HMGCL: variants seen among roughly 807,000 people sequenced by gnomAD.
HMGCL encodes hydroxymethylglutaryl-CoA lyase, mitochondrial.
Under a neutral mutation model 37.3 loss-of-function variants are expected in HMGCL, and 26 were observed. The ratio of observed to expected loss-of-function variants is 0.70; its 90% CI spans 0.51 to 0.97. The LOEUF is 0.97. Among genes scored for constraint, HMGCL ranks in the 50% least tolerant of loss-of-function variants. HMGCL has a pLI of 0.00. For synonymous variants in HMGCL, 151 were observed against 148.0 expected, an observed-to-expected ratio of 1.02 and a Z score of -0.15; for missense variants, 379 against 398.1, an observed-to-expected ratio of 0.95 and a Z score of 0.41.
Position 23,806,529 on chromosome 1 carries a change from A to G in HMGCL, c.750+1606T>C, listed in dbSNP as rs1344428262. On this transcript the variant is annotated intron_variant, in intron 7 of 8. Transcript: ENST00000374490. This position sits in a 1 kb window ranked among gnomAD's most constrained non-coding sequence, Gnocchi z 4.0. ...GCTCCCTTCCCTCCCCCTCCCTGCT[A>G]GGGATCCGCAGGGCTCACTCCCTCG... is the stretch of plus-strand genomic sequence containing the variant. Among the ~76,000 whole-genome samples the G allele has an allele frequency of 6.6e-6, 1 of 152,000 alleles. No homozygotes were observed. Among genetic ancestry groups the G allele is most frequent in the East Asian group, 1.9e-4 (1 of 5,190 alleles).
chr1:23,813,401 G>C (rs1033378050), intron 5 of HMGCL, among the ~76,000 whole-genome samples: 15 of 151,208 alleles, frequency 9.9e-5, no homozygotes, highest in Non-Finnish European at 1.2e-4. Context: ...TTTTAGTAAA[G>C]ACGGGGTTTC....
chr1:23,816,989 C>G (rs1285312563), intron 3 of HMGCL, among the ~76,000 whole-genome samples: 1 of 152,134 alleles, frequency 6.6e-6, no homozygotes, highest in East Asian at 1.9e-4. Context: ...TCCATATGGC[C>G]CATACTGCCA....
At position 23,808,213 on chromosome 1, in the gene HMGCL, T is replaced by G. The variant is rs2148419094; in HGVS notation, c.672A>C (p.Glu224Asp). ...GGACAGCCAGGGCAGCCAGAGGCAC[T>G]TCCTGCATGACAGCAGATAGCATGT... ...MKDMLSAVMQ[E>D]VPLAALAVHC... Residue 224 changes from glutamate (E) to aspartate (D), a missense_variant, in exon 7 of 9, where the codon GAA becomes GAC. Glu to Asp is a conservative substitution (Grantham distance 45). Transcript: ENST00000374490. 1.2e-6 allele frequency: 2 copies of G among 1,614,066 alleles called. No individual in the cohort carries two copies. The highest frequency in any genetic ancestry group is 2.2e-5 in the South Asian group (2 of 91,082).
chr1:23,824,798 T>A lies in HMGCL; in HGVS notation c.60+558A>T, dbSNP rs556098055. On this transcript the variant is annotated intron_variant, in intron 1 of 8. Coordinates refer to ENST00000374490, the MANE Select transcript of HMGCL (RefSeq NM_000191.3). ...TAGCTTCAGCTTTTATTTTTTCTGC[T>A]CCATACAGCTACGTCTCCCACACTT... Among the ~76,000 whole-genome samples, 5 of 152,306 alleles carry A rather than the reference T, an allele frequency of 3.3e-5. No homozygotes were observed. The South Asian group carries it at 1.0e-3, about 32-fold the overall frequency.
At chr1:23,807,142 C>T (rs1638426171) in intron 7 of HMGCL, 1 of 518,900 alleles carries the variant, frequency 1.9e-6, no homozygotes, top group African/African-American at 1.9e-5. Flanking sequence ...TGAAGTTTTG[C>T]CTCAGACTCA....
chr1:23,804,497 A>G lies in HMGCL; in HGVS notation c.779T>C (p.Val260Ala). The G allele has an allele frequency of 6.2e-7, 1 of 1,614,100 alleles. No individual in the cohort carries two copies. Among genetic ancestry groups the G allele is most frequent in the Non-Finnish European group, 8.5e-7 (1 of 1,179,990 alleles). Residue 260 changes from valine to alanine, a missense_variant, in exon 8 of 9, where the codon GTG becomes GCG. Transcript: ENST00000374490. ...QMGVSVVDSS[V>A]AGLGGCPYAQ... ...GTAGGGACAGCCTCCAAGTCCTGCC[A>G]CAGAAGAGTCCACGACACTCACTCC...
chr1:23,819,747 ACACG>A (rs1638678229), intron 2 of HMGCL, among the ~76,000 whole-genome samples: 2 of 151,730 alleles, frequency 1.3e-5, no homozygotes, highest in Admixed American at 6.6e-5. Context: ...ACACACACAC[ACACG>A]CGCGCGTGCG....
chr1:23,805,286 T>C (rs1036261884), intron 7 of HMGCL, among the ~76,000 whole-genome samples: 1 of 152,040 alleles, frequency 6.6e-6, no homozygotes, highest in South Asian at 2.1e-4. Context: ...AACCTGTTAC[T>C]CCCCTCCACT....
intron 8 of HMGCL, among the ~76,000 whole-genome samples, chr1:23,803,057 CAG>C (rs1251572964): frequency 1.3e-5 from 2 of 151,816 alleles, no homozygotes; most frequent in African/African-American, 2.4e-5. Context: ...TTTTTGGAGA[CAG>C]AGTTTGCTCT....
intron 4 of HMGCL, among the ~76,000 whole-genome samples, chr1:23,816,029 T>C (rs1638607124): frequency 6.6e-6 from 1 of 151,552 alleles, no homozygotes; most frequent in South Asian, 2.1e-4. Flanking sequence ...AGCCATCCTG[T>C]GCCTCAGTCT....
In HMGCL at chr1:23,819,006, T is replaced by TAAA. The variant is rs11371330; in HGVS notation, c.145-1426_145-1424dup. 1.7e-3 allele frequency among the ~76,000 whole-genome samples: 74 copies of TAAA among 43,144 alleles called. 4 individuals are homozygous for TAAA. The highest frequency in any genetic ancestry group is 5.1e-3 in the African/African-American group (50 of 9,726). 28.3% of individuals were successfully genotyped at this position (43,144 alleles called of 152,430 possible). A position where few individuals can be genotyped will look rare whatever the true frequency, so the allele number is the denominator to read the frequency against. On this transcript the variant is annotated intron_variant, in intron 2 of 8. Transcript: ENST00000374490. ...ACTATTAAAGCTAGGATGGACGTGC[T>TAAA]AAAAAAAAAAAAAAAAAAAAAAAAA...
intron 2 of HMGCL, among the ~76,000 whole-genome samples, chr1:23,818,585 T>C (rs529711005): frequency 5.1e-4 from 78 of 152,094 alleles, no homozygotes; most frequent in African/African-American, 1.3e-3. Flanking sequence ...GGAGTCTCAC[T>C]GTATTGCCCA....
At chr1:23,811,743 A>G (rs967507799) in intron 5 of HMGCL, among the ~76,000 whole-genome samples, 1 of 152,202 alleles carries the variant, frequency 6.6e-6, no homozygotes, top group Non-Finnish European at 1.5e-5. Flanking sequence ...AGGTCTGATC[A>G]TGGGTCTTAG....
chr1:23,812,565 A>G (rs1359627550), intron 5 of HMGCL, among the ~76,000 whole-genome samples: 2 of 152,014 alleles, frequency 1.3e-5, no homozygotes, highest in African/African-American at 2.4e-5. Flanking sequence ...CCCAGGCCCA[A>G]GCCAGTCACA....
Position 23,808,149 on chromosome 1 carries a change from A to T in HMGCL, c.736T>A (p.Leu246Met). Residue 246 changes from leucine to methionine, a missense_variant, in exon 7 of 9, where the codon TTG becomes ATG. By Grantham distance (15) the Leu-to-Met change is conservative (BLOSUM62 2). Coordinates refer to ENST00000374490, the MANE Select transcript of HMGCL (RefSeq NM_000191.3). ...DTYGQALANT[L>M]MALQMGVSVV... ...CTTTTGATTACCTGCAGGGCCATCA[A>T]GGTGTTGGCCAGGGCTTGACCATAG... 1 of 1,613,976 alleles carries T rather than the reference A, an allele frequency of 6.2e-7. No individual in the cohort carries two copies. The highest frequency in any genetic ancestry group is 8.5e-7 in the Non-Finnish European group (1 of 1,179,882).
rs1210898089 is a variant in HMGCL at position 23,804,881 on chromosome 1, C to A, written c.751-356G>T. Among the ~76,000 whole-genome samples, 244 of 126,722 alleles carry A rather than the reference C, an allele frequency of 1.9e-3. 2 individuals are homozygous for A. The Middle Eastern group carries it at 0.022, about 12-fold the overall frequency. The allele number at this position is 126,722 out of a possible 152,430, so 83.1% of individuals were successfully genotyped here. A position where few individuals can be genotyped will look rare whatever the true frequency, so the allele number is the denominator to read the frequency against. On this transcript the variant is annotated intron_variant, in intron 7 of 8. Transcript: ENST00000374490. The stretch of plus-strand genomic sequence containing the variant: ...TTTACTGTGATTCATTTATTACCCC[C>A]CCCCCACTTACCCCCCACCACCTCC...
intron 7 of HMGCL, among the ~76,000 whole-genome samples, 171 bp downstream of exon 7, chr1:23,807,964 A>G (rs1638442666): frequency 6.6e-6 from 1 of 152,088 alleles, no homozygotes; most frequent in South Asian, 2.1e-4. Flanking sequence ...TGTCTCCCCA[A>G]CACAGAGCTG....
Position 23,816,257 on chromosome 1 carries a change from C to T in HMGCL, c.348+418G>A, listed in dbSNP as rs747349118. On this transcript the variant is annotated intron_variant, in intron 4 of 8. Transcript: ENST00000374490. ...GGTTTTTGCCTAAATACAGAACCAA[C>T]GCCTCCAAAGATGTTCTTGTCTAAA... 4 of 305,186 alleles carry T rather than the reference C, an allele frequency of 1.3e-5. No homozygotes were observed. The East Asian group carries it at 2.6e-4, about 19-fold the overall frequency. The allele number at this position is 305,186 out of a possible 1,614,324, so 18.9% of individuals were successfully genotyped here.
Position 23,808,129 on chromosome 1 carries a change from G to T in HMGCL, c.750+6C>A. On this transcript the variant is annotated splice_donor_region_variant and intron_variant, in intron 7 of 8. Coordinates refer to ENST00000374490, the MANE Select transcript of HMGCL (RefSeq NM_000191.3). The stretch of plus-strand genomic sequence containing the variant: ...TTTGGGAGAATGGGCATATGCTTTT[G>T]ATTACCTGCAGGGCCATCAAGGTGT... 1.2e-6 allele frequency: 2 copies of T among 1,613,390 alleles called. No individual in the cohort carries two copies. The highest frequency in any genetic ancestry group is 2.2e-5 in the South Asian group (2 of 91,012).
Sources: allele counts gnomAD v4.1 joint callset (sites outside exome capture counted in the v4.1 genomes callset), GRCh38; gene constraint gnomAD v4.1.1; non-coding constraint Gnocchi (gnomAD v3.1); transcripts MANE v1.5; gene names NCBI Gene and HGNC (gene_info 2026-07-23, HGNC 2026-07-21).